CTNND2: variants seen among roughly 807,000 people sequenced by gnomAD.
The protein encoded by CTNND2 is catenin delta-2.
In CTNND2, 22 loss-of-function variants were observed where a neutral mutation model predicts 144.4. That is an observed-to-expected ratio of 0.15 (90% CI 0.11 to 0.22). The LOEUF is 0.22. Ranked by LOEUF, CTNND2 falls within the 10% of genes least tolerant of loss-of-function variation. The pLI, the probability that CTNND2 is intolerant of heterozygous loss-of-function variation, is 1.00. For missense variants in CTNND2, 1,353 were observed against 1,618.8 expected, an observed-to-expected ratio of 0.84 and a Z score of 2.82; for synonymous variants, 751 against 695.6, an observed-to-expected ratio of 1.08 and a Z score of -1.25.
At chr5:11,240,855 A>T (rs1050856161) in intron 9 of CTNND2, among the ~76,000 whole-genome samples, 2 of 138,694 alleles carry the variant, frequency 1.4e-5, no homozygotes, top group Non-Finnish European at 3.1e-5. Flanking sequence ...CACCCAACAC[A>T]TACACTCAGC....
intron 12 of CTNND2, among the ~76,000 whole-genome samples, chr5:11,123,242 T>C (rs1341448491): frequency 6.6e-6 from 1 of 152,136 alleles, no homozygotes; most frequent in Middle Eastern, 3.2e-3. Flanking sequence ...GGGAGCATCA[T>C]CTTATTTGGT....
intron 1 of CTNND2, among the ~76,000 whole-genome samples, chr5:11,861,690 A>G (rs1795511713): frequency 6.6e-6 from 1 of 152,208 alleles, no homozygotes; most frequent in Admixed American, 6.5e-5. Flanking sequence ...TTCTCTGCTC[A>G]AAACTCTGCA....
At chr5:11,073,629 A>G (rs928055640) in intron 16 of CTNND2, among the ~76,000 whole-genome samples, 1 of 152,248 alleles carries the variant, frequency 6.6e-6, no homozygotes, top group Non-Finnish European at 1.5e-5. Flanking sequence ...CCCAGCTGCC[A>G]AAATTCCCCA....
chr5:11,588,103 T>C (rs1778993034), intron 2 of CTNND2, among the ~76,000 whole-genome samples: 1 of 152,152 alleles, frequency 6.6e-6, no homozygotes, highest in Non-Finnish European at 1.5e-5. Context: ...GTTCAAAACA[T>C]GTAATTATTG....
At chr5:11,434,496 C>T (rs571178302) in intron 3 of CTNND2, among the ~76,000 whole-genome samples, 1 of 151,918 alleles carries the variant, frequency 6.6e-6, no homozygotes, top group South Asian at 2.1e-4. Flanking sequence ...GTAAATTGTA[C>T]CTCAAAGGAA....
intron 12 of CTNND2, among the ~76,000 whole-genome samples, chr5:11,128,974 TATATAAA>T (rs1755093797): frequency 9.2e-5 from 4 of 43,568 alleles, no homozygotes; most frequent in Non-Finnish European, 1.4e-4. Context: ...TAATATATAA[TATATAAA>T]TATATATAAT....
At chr5:11,659,750 C>G (rs1485924044) in intron 2 of CTNND2, among the ~76,000 whole-genome samples, 1 of 152,122 alleles carries the variant, frequency 6.6e-6, no homozygotes, top group East Asian at 1.9e-4. Flanking sequence ...CTCCTTGTCT[C>G]TTCAAGGACT....
chr5:11,022,854 T>C lies in CTNND2; in HGVS notation c.2914A>G (p.Thr972Ala). The change falls in exon 17 of 22, where the codon ACC (threonine) becomes GCC (alanine). Residue 972 changes from threonine (T) to alanine (A), a missense_variant. By Grantham distance (58) the Thr-to-Ala change is moderately conservative. Coordinates refer to ENST00000304623, the MANE Select transcript of CTNND2 (RefSeq NM_001332.4). The part of the protein sequence containing the change: ...AVCCTLHEVI[T>A]KNMENAKALR... ...GCCTTGGCGTTCTCCATGTTCTTGGTAATCACTTCGTGCAGTGTGCAGCAG... is the reference window on the plus strand; with the variant it reads ...GCCTTGGCGTTCTCCATGTTCTTGGCAATCACTTCGTGCAGTGTGCAGCAG... 6.2e-7 allele frequency: 1 copy of C among 1,614,256 alleles called. No homozygotes were observed. Among genetic ancestry groups the C allele is most frequent in the South Asian group, 1.1e-5 (1 of 91,084 alleles).
intron 20 of CTNND2, among the ~76,000 whole-genome samples, chr5:10,985,993 C>T (rs1737897193): frequency 6.6e-6 from 1 of 152,184 alleles, no homozygotes; most frequent in Admixed American, 6.5e-5. Context: ...TCGGCGTTTA[C>T]ATAGCACCCA....
chr5:11,290,016 T>C (rs1213715472), intron 9 of CTNND2, among the ~76,000 whole-genome samples: 1 of 152,170 alleles, frequency 6.6e-6, no homozygotes, highest in African/African-American at 2.4e-5. Flanking sequence ...TGGTTCCCTT[T>C]GCAACTACAA....
intron 15 of CTNND2, among the ~76,000 whole-genome samples, chr5:11,085,879 C>T (rs915187478): frequency 2.6e-5 from 4 of 151,660 alleles, no homozygotes; most frequent in Non-Finnish European, 5.9e-5. Context: ...GGAAACTCCA[C>T]AGTTTGGCTG....
intron 9 of CTNND2, among the ~76,000 whole-genome samples, chr5:11,267,867 G>C (rs1006995736): frequency 3.9e-5 from 6 of 152,218 alleles, no homozygotes; most frequent in African/African-American, 1.4e-4. Context: ...ATTTCCTGAT[G>C]TTGAACGTGA....
chr5:11,433,900 G>A (rs1357622657), intron 3 of CTNND2, among the ~76,000 whole-genome samples: 2 of 152,108 alleles, frequency 1.3e-5, no homozygotes, highest in Non-Finnish European at 2.9e-5. Context: ...AACTACTTTG[G>A]GGAAAAGTCG....
chr5:10,986,532 C>T, intron 20 of CTNND2: 3 of 435,636 alleles, frequency 6.9e-6, no homozygotes, highest in East Asian at 1.4e-4. Context: ...GATCCTCTGC[C>T]GAATGTCTAG....
intron 2 of CTNND2, among the ~76,000 whole-genome samples, chr5:11,650,392 G>C (rs1322001336): frequency 6.6e-6 from 1 of 152,160 alleles, no homozygotes; most frequent in Non-Finnish European, 1.5e-5. Flanking sequence ...AATCTCAGTA[G>C]TCCTTTATAG....
At position 11,387,286 on chromosome 5, in the gene CTNND2, C is replaced by T. The variant is rs61749838; in HGVS notation, c.613-2057G>A. On this transcript the variant is annotated intron_variant, in intron 6 of 21. Coordinates refer to ENST00000304623, the MANE Select transcript of CTNND2 (RefSeq NM_001332.4). ...AGGAATCAGAGCAATCAGAATCATA[C>T]CCCCACCATAAACTGAACAAACTCT... is the stretch of plus-strand genomic sequence containing the variant. Among the ~76,000 whole-genome samples the T allele has an allele frequency of 9.3e-3, 1,361 of 146,346 alleles. 15 individuals carry two copies. The highest frequency in any genetic ancestry group is 0.035 in the African/African-American group (1,290 of 36,346).
At chr5:11,541,414 A>G (rs1774722126) in intron 3 of CTNND2, among the ~76,000 whole-genome samples, 1 of 152,192 alleles carries the variant, frequency 6.6e-6, no homozygotes, top group African/African-American at 2.4e-5. Flanking sequence ...CAAGGTCATC[A>G]CAATCTCAGG....
intron 2 of CTNND2, among the ~76,000 whole-genome samples, chr5:11,726,523 C>A (rs1246063799): frequency 6.6e-6 from 1 of 152,056 alleles, no homozygotes. Context: ...ATGTTTTAAA[C>A]TTTTACACAA....
intron 2 of CTNND2, among the ~76,000 whole-genome samples, chr5:11,656,568 A>G (rs1359184012): frequency 6.6e-6 from 1 of 151,086 alleles, no homozygotes; most frequent in Non-Finnish European, 1.5e-5. Context: ...TGTTACCACC[A>G]ATGACCCCAC....
Sources: gnomAD v4.1 joint callset for allele counts (sites outside exome capture counted in the v4.1 genomes callset) on GRCh38, gnomAD v4.1.1 for gene constraint, MANE v1.5 for transcripts, NCBI Gene and HGNC (gene_info 2026-07-23, HGNC 2026-07-21) for gene names.